The following BHLHE41 variants were observed in gnomAD, a reference collection of about 807,000 sequenced individuals.
BHLHE41 encodes class E basic helix-loop-helix protein 41.
BHLHE41 carries 14 observed loss-of-function variants against 24.0 expected under a neutral mutation model. That is an observed-to-expected ratio of 0.58 (90% CI 0.39 to 0.91). The LOEUF is 0.91. BHLHE41 is among the 40% of genes least tolerant of loss of function. The pLI, the probability that BHLHE41 is intolerant of heterozygous loss-of-function variation, is 0.00. For missense variants in BHLHE41, 674 were observed against 655.4 expected, an observed-to-expected ratio of 1.03 and a Z score of -0.31; for synonymous variants, 394 against 315.5, an observed-to-expected ratio of 1.25 and a Z score of -2.64.
rs758323840 is a variant in BHLHE41 at position 26,122,616 on chromosome 12, G to T, written c.899C>A (p.Ala300Glu). 2 of 1,154,320 alleles carry T rather than the reference G, an allele frequency of 1.7e-6. No individual in the cohort carries two copies. Among genetic ancestry groups the T allele is most frequent in the African/African-American group, 1.7e-5 (1 of 59,842 alleles). 71.5% of individuals were successfully genotyped at this position (1,154,320 alleles called of 1,614,324 possible). ...GGGPGGGAAA[A>E]AAALLGPDPA... ...GTCGGGCCCCAGAAGCGCGGCTGCC[G>T]CCGCCGCCGCGCCGCCCCCCGGGCC... The change falls in exon 5 of 5, where the codon GCG becomes GAG. Residue 300 changes from alanine to glutamate, a missense_variant. Coordinates refer to ENST00000242728, the MANE Select transcript of BHLHE41 (RefSeq NM_030762.3).
In BHLHE41 at chr12:26,122,138, C is replaced by T. The variant is rs879725466; in HGVS notation, c.1377G>A (p.Gly459=). The change falls in exon 5 of 5, where the codon GGG becomes GGA. Residue 459 remains glycine, a synonymous_variant. Coordinates refer to ENST00000242728, the MANE Select transcript of BHLHE41 (RefSeq NM_030762.3). ...PHGRTHLPFA[G]PREPGNPESS... ...TCTCCGGGTTCCCCGGCTCGCGGGG[C>T]CCGGCGAAGGGCAGGTGGGTGCGGC... is the stretch of plus-strand genomic sequence containing the variant. The T allele has an allele frequency of 8.4e-6, 13 of 1,548,614 alleles. No homozygotes were observed. The highest frequency in any genetic ancestry group is 1.1e-5 in the Non-Finnish European group (13 of 1,146,266).
Position 26,122,523 on chromosome 12 carries a change from C to CGAA in BHLHE41, c.991_992insTTC (p.Gly331delinsValArg). 1 of 1,280,358 alleles carries CGAA rather than the reference C, an allele frequency of 7.8e-7. No individual in the cohort carries two copies. Among genetic ancestry groups the CGAA allele is most frequent in the Non-Finnish European group, 1.0e-6 (1 of 1,002,870 alleles). 79.3% of individuals were successfully genotyped at this position (1,280,358 alleles called of 1,614,324 possible). A position where few individuals can be genotyped will look rare whatever the true frequency, so the allele number is the denominator to read the frequency against. ...CTGCGGGAAGGGCGCGCCTCCGCCTCCGCCGAACGCCACCAGCGAGCTGAG... is the reference window on the plus strand; with the variant it reads ...CTGCGGGAAGGGCGCGCCTCCGCCTCGAACGCCGAACGCCACCAGCGAGCTGAG... On this transcript the variant is annotated protein_altering_variant, in exon 5 of 5. Transcript: ENST00000242728.
intron 4 of BHLHE41, among the ~76,000 whole-genome samples, chr12:26,123,396 C>T (rs1198438689): frequency 6.6e-6 from 1 of 152,064 alleles, no homozygotes; most frequent in African/African-American, 2.4e-5. Flanking sequence ...CAAAGTGGAG[C>T]GGGTGCAACC....
chr12:26,124,132 G>A lies in BHLHE41; in HGVS notation c.174C>T (p.Asp58=), dbSNP rs747381978. The change falls in exon 3 of 5, where the codon GAC becomes GAT. Residue 58 remains aspartate (D), a synonymous_variant. Coordinates refer to ENST00000242728, the MANE Select transcript of BHLHE41 (RefSeq NM_030762.3). ...PHRLIEKKRR[D]RINECIAQLK... is the part of the protein sequence containing the mutation. ...GCTGAGCAATGCATTCATTAATTCG[G>A]TCTCTTCTTTTCTTTTCTATTAATC... 6.2e-7 allele frequency: 1 copy of A among 1,612,944 alleles called. No homozygotes were observed. The highest frequency in any genetic ancestry group is 1.1e-5 in the South Asian group (1 of 91,042).
chr12:26,122,363 C>T lies in BHLHE41; in HGVS notation c.1152G>A (p.Pro384=). ...KYLYPAAAAA[P]FPLLYPGIPA... ...GGATGCCGGGGTATAGCAGCGGGAA[C>T]GGGGCGGCAGCCGCCGCCGGGTACA... The change falls in exon 5 of 5, where the codon CCG becomes CCA. Residue 384 remains proline, a synonymous_variant. Transcript: ENST00000242728. 1 of 1,186,884 alleles carries T rather than the reference C, an allele frequency of 8.4e-7. No homozygotes were observed. Among genetic ancestry groups the T allele is most frequent in the Non-Finnish European group, 1.0e-6 (1 of 958,374 alleles). The allele number at this position is 1,186,884 out of a possible 1,614,324, so 73.5% of individuals were successfully genotyped here. A position where few individuals can be genotyped will look rare whatever the true frequency, so the allele number is the denominator to read the frequency against.
chr12:26,121,927 T>C lies in BHLHE41; in HGVS notation c.*139A>G. The C allele has an allele frequency of 6.5e-7, 1 of 1,533,260 alleles. No homozygotes were observed. Among genetic ancestry groups the C allele is most frequent in the South Asian group, 1.2e-5 (1 of 82,666 alleles). The allele number at this position is 1,533,260 out of a possible 1,614,324, so 95.0% of individuals were successfully genotyped here. A position where few individuals can be genotyped will look rare whatever the true frequency, so the allele number is the denominator to read the frequency against. ...ATAACACCTGTTTTGTTGTTCTTGT[T>C]TATGCCTGTCGTGCATCTATTACAC... On this transcript the variant is annotated 3_prime_UTR_variant, in exon 5 of 5. Coordinates refer to ENST00000242728, the MANE Select transcript of BHLHE41 (RefSeq NM_030762.3).
At chr12:26,124,020 G>T in intron 3 of BHLHE41, 52 bp downstream of exon 3, 2 of 1,218,562 alleles carry the variant, frequency 1.6e-6, no homozygotes, top group South Asian at 2.4e-5. Context: ...AGTCGCACCA[G>T]ACTATTAACA....
chr12:26,124,906 C>A lies in BHLHE41; in HGVS notation c.-127G>T, dbSNP rs957804883. ...CAGTCTCTCTCTCGCTCTCCCTCTT[C>A]AGTGCAGTGTTGAAAGTGTGAAGCA... On this transcript the variant is annotated 5_prime_UTR_variant, in exon 1 of 5. Transcript: ENST00000242728. 4 of 952,996 alleles carry A rather than the reference C, an allele frequency of 4.2e-6. No homozygotes were observed. The highest frequency in any genetic ancestry group is 6.8e-6 in the Non-Finnish European group (4 of 591,914). 59.0% of individuals were successfully genotyped at this position (952,996 alleles called of 1,614,324 possible).
chr12:26,123,482 G>A, intron 4 of BHLHE41, 148 bp downstream of exon 4: 1 of 722,394 alleles, frequency 1.4e-6, no homozygotes, highest in Non-Finnish European at 2.5e-6. Flanking sequence ...TCGTTCCAAT[G>A]AAGGGAAAGT....
rs745613808 is a variant in BHLHE41, at chr12:26,124,768, T to C, written c.12A>G (p.Gly4=). 2.5e-6 allele frequency: 4 copies of C among 1,614,232 alleles called. No homozygotes were observed. The highest frequency in any genetic ancestry group is 1.1e-5 in the South Asian group (1 of 91,082). The change falls in exon 1 of 5, where the codon GGA becomes GGG. Residue 4 remains glycine, a synonymous_variant. Coordinates refer to ENST00000242728, the MANE Select transcript of BHLHE41 (RefSeq NM_030762.3). ...ACTGTCTCTCTTGCAAATGAGGAAT[T>C]CCTTCGTCCATGTTCAACTGCTGTT... MDE[G]IPHLQERQLL...
Position 26,123,023 on chromosome 12 carries a change from G to A in BHLHE41, c.492C>T (p.Asn164=). Reference sequence around the variant, plus strand: ...ACTGGGTGGCCACGGCGTGCAAGTGGTTGATCAGCTGGACACACCGCGGCT... The same window carrying A: ...ACTGGGTGGCCACGGCGTGCAAGTGATTGATCAGCTGGACACACCGCGGCT... ...PREPRCVQLI[N]HLHAVATQFL... The change falls in exon 5 of 5, where the codon AAC becomes AAT. Residue 164 remains asparagine, a synonymous_variant. Transcript: ENST00000242728. 6.4e-7 allele frequency: 1 copy of A among 1,573,280 alleles called. No homozygotes were observed. Among genetic ancestry groups the A allele is most frequent in the Non-Finnish European group, 8.6e-7 (1 of 1,158,646 alleles).
In BHLHE41 at chr12:26,124,954, GCTCGCACACACA is replaced by G; in HGVS notation, c.-187_-176del. ...GCAGTTGGTCCCCCCCCTCCACCGC[GCTCGCACACACA>G]CACGCACACACACGCACACTCGCGC... On this transcript the variant is annotated 5_prime_UTR_variant, in exon 1 of 5. Transcript: ENST00000242728. The G allele has an allele frequency of 2.8e-6, 2 of 703,592 alleles. No individual in the cohort carries two copies. Among genetic ancestry groups the G allele is most frequent in the East Asian group, 5.4e-5 (2 of 37,302 alleles). The allele number at this position is 703,592 out of a possible 1,614,324, so 43.6% of individuals were successfully genotyped here.
Position 26,122,478 on chromosome 12 carries a change from G to A in BHLHE41, c.1037C>T (p.Pro346Leu). The change falls in exon 5 of 5, where the codon CCC (proline) becomes CTC (leucine). Residue 346 changes from proline (P) to leucine (L), a missense_variant. Physicochemically the swap from Pro to Leu is moderately conservative, Grantham distance 98. Coordinates refer to ENST00000242728, the MANE Select transcript of BHLHE41 (RefSeq NM_030762.3). ...PFPQPAAAAAPFCLPFCFLSP... is the reference protein window; with the variant it reads ...PFPQPAAAAALFCLPFCFLSP... ...GAGGAAGCAGAAGGGCAGGCAGAAG[G>A]GGGCCGCGGCGGCCGCGGGCTGCGG... 7.5e-7 allele frequency: 1 copy of A among 1,340,316 alleles called. No individual in the cohort carries two copies. The highest frequency in any genetic ancestry group is 2.9e-5 in the Admixed American group (1 of 34,752). 83.0% of individuals were successfully genotyped at this position (1,340,316 alleles called of 1,614,324 possible). A position where few individuals can be genotyped will look rare whatever the true frequency, so the allele number is the denominator to read the frequency against.
chr12:26,124,232 T>A (rs1174886465), intron 2 of BHLHE41, 53 bp from the exon 3 acceptor site: 2 of 1,168,632 alleles, frequency 1.7e-6, no homozygotes, highest in African/African-American at 1.5e-5. Context: ...AACATTCACT[T>A]ATTGGATATT....
chr12:26,124,663 G>A (rs1591840045), intron 1 of BHLHE41, 55 bp downstream of exon 1: 2 of 1,613,112 alleles, frequency 1.2e-6, no homozygotes, highest in East Asian at 2.2e-5. Flanking sequence ...TTCTGGAGAA[G>A]AAAAAAATCA....
intron 4 of BHLHE41, 72 bp downstream of exon 4, chr12:26,123,558 G>T: frequency 1.9e-6 from 2 of 1,025,902 alleles, no homozygotes; most frequent in Non-Finnish European, 1.6e-6. Flanking sequence ...GCGGGTGAGG[G>T]AGTCCTGACA....
Position 26,123,668 on chromosome 12 carries a change from G to A in BHLHE41, c.308C>T (p.Thr103Ile), listed in dbSNP as rs1565665312. The change falls in exon 4 of 5, where the codon ACC becomes ATC. Residue 103 changes from threonine to isoleucine, a missense_variant. Physicochemically the swap from Thr to Ile is moderately conservative, Grantham distance 89. Transcript: ENST00000242728. ...LKHLKALTALTEQQHQKIIAL... is the reference protein window; with the variant it reads ...LKHLKALTALIEQQHQKIIAL... Reference sequence around the variant, plus strand: ...AATTATCTTCTGATGCTGTTGCTCGGTTAAGGCGGTTAAAGCTTTTAAGTG... The same window carrying A: ...AATTATCTTCTGATGCTGTTGCTCGATTAAGGCGGTTAAAGCTTTTAAGTG... 1.2e-6 allele frequency: 2 copies of A among 1,614,042 alleles called. No homozygotes were observed. Among genetic ancestry groups the A allele is most frequent in the African/African-American group, 1.3e-5 (1 of 75,042 alleles).
rs1254594386 is a variant in BHLHE41 at position 26,123,737 on chromosome 12, A to C, written c.239T>G (p.Leu80Arg). Residue 80 changes from leucine to arginine, a missense_variant, in exon 4 of 5, where the codon CTG becomes CGG. Coordinates refer to ENST00000242728, the MANE Select transcript of BHLHE41 (RefSeq NM_030762.3). ...LLPEHLKLTT[L>R]GHLEKAVVLE... ...GACTACAGCTTTCTCCAGATGTCCC[A>C]GAGTCTGCAGTGGTGCAAAAAAGAA... 1 of 1,610,220 alleles carries C rather than the reference A, an allele frequency of 6.2e-7. No individual in the cohort carries two copies. Among genetic ancestry groups the C allele is most frequent in the Admixed American group, 1.7e-5 (1 of 60,032 alleles).
At position 26,120,319 on chromosome 12, in the gene BHLHE41, T is replaced by C. The variant is rs1018125632; in HGVS notation, c.*1747A>G. On this transcript the variant is annotated 3_prime_UTR_variant, in exon 5 of 5. Coordinates refer to ENST00000242728, the MANE Select transcript of BHLHE41 (RefSeq NM_030762.3). ...TTTAAATCACAAAATAGTGTGGCAATATTTAGGTAATAGAATTTATGGAGT... is the reference window on the plus strand; with the variant it reads ...TTTAAATCACAAAATAGTGTGGCAACATTTAGGTAATAGAATTTATGGAGT... The C allele has an allele frequency of 2.6e-5, 4 of 152,674 alleles. No individual in the cohort carries two copies. The highest frequency in any genetic ancestry group is 9.6e-5 in the African/African-American group (4 of 41,468). 9.5% of individuals were successfully genotyped at this position (152,674 alleles called of 1,614,324 possible).
Sources: gnomAD v4.1 joint callset for allele counts (sites outside exome capture counted in the v4.1 genomes callset) on GRCh38, gnomAD v4.1.1 for gene constraint, MANE v1.5 for transcripts, NCBI Gene and HGNC (gene_info 2026-07-23, HGNC 2026-07-21) for gene names.